NT5DC1: variants seen among roughly 807,000 people sequenced by gnomAD.
The protein encoded by NT5DC1 is 5'-nucleotidase domain containing 1.
In NT5DC1, 42 loss-of-function variants were observed where a neutral mutation model predicts 59.4. The ratio of observed to expected loss-of-function variants is 0.71; its 90% CI spans 0.55 to 0.92. NT5DC1 has a LOEUF of 0.92. NT5DC1 is among the 40% of genes least tolerant of loss of function. The pLI is 0.00. For synonymous variants in NT5DC1, 172 were observed against 188.1 expected (o/e 0.91, Z 0.70); for missense variants, 501 against 537.1 (o/e 0.93, Z 0.66).
intron 3 of NT5DC1, among the ~76,000 whole-genome samples, chr6:116,109,460 A>G (rs942089896): frequency 6.6e-6 from 1 of 152,186 alleles, no homozygotes; most frequent in Non-Finnish European, 1.5e-5. Flanking sequence ...GCTATCTTCA[A>G]CCACAGTTAA....
At chr6:116,215,492 G>A (rs1251187017) in intron 6 of NT5DC1, among the ~76,000 whole-genome samples, 1 of 151,978 alleles carries the variant, frequency 6.6e-6, no homozygotes, top group Non-Finnish European at 1.5e-5. Context: ...TCACCTTGTC[G>A]ACTTTACAGC....
Position 116,238,220 on chromosome 6 carries a change from A to G in NT5DC1, c.955A>G (p.Ile319Val), listed in dbSNP as rs1782158882. The G allele has an allele frequency of 6.2e-7, 1 of 1,612,096 alleles. No homozygotes were observed. Among genetic ancestry groups the G allele is most frequent in the Non-Finnish European group, 8.5e-7 (1 of 1,178,976 alleles). The change falls in exon 10 of 12, where the codon ATT becomes GTT. Residue 319 changes from isoleucine to valine, a missense_variant. Coordinates refer to ENST00000319550, the MANE Select transcript of NT5DC1 (RefSeq NM_152729.3). The part of the protein sequence containing the change: ...VYFGDSMHSD[I>V]FPARHYSNWE... Reference sequence around the variant, plus strand: ...TTTTGGTGACAGCATGCATTCAGATATTTTCCCAGCTCGTCACTATAGTAA... The same window carrying G: ...TTTTGGTGACAGCATGCATTCAGATGTTTTCCCAGCTCGTCACTATAGTAA...
At chr6:116,174,357 G>C (rs1780685749) in intron 6 of NT5DC1, among the ~76,000 whole-genome samples, 1 of 152,134 alleles carries the variant, frequency 6.6e-6, no homozygotes, top group Non-Finnish European at 1.5e-5. Context: ...AAATATCATA[G>C]ACATACCATT....
rs143289113 is a variant in NT5DC1, at chr6:116,160,068, A to G, written c.529+42123A>G. On this transcript the variant is annotated intron_variant, in intron 6 of 11. Transcript: ENST00000319550. The stretch of plus-strand genomic sequence containing the variant: ...ACTTTGCTATTGTGAATAGTGCTCA[A>G]TAAACATATAAGTACAGGTATCTTT... Among the ~76,000 whole-genome samples the G allele has an allele frequency of 2.1e-4, 32 of 152,326 alleles. No individual in the cohort carries two copies. In the East Asian group the frequency reaches 6.0e-3, roughly 28 times the overall value.
chr6:116,238,446 G>A, intron 10 of NT5DC1, 98 bp downstream of exon 10: 1 of 558,630 alleles, frequency 1.8e-6, no homozygotes, highest in Admixed American at 4.3e-5. Context: ...GTCCTGGTCA[G>A]GCTGAATACC....
chr6:116,149,873 A>G (rs1400595730), intron 6 of NT5DC1, among the ~76,000 whole-genome samples: 7 of 152,226 alleles, frequency 4.6e-5, no homozygotes, highest in Non-Finnish European at 1.0e-4. Flanking sequence ...TTTGCACAAC[A>G]AACCAGCATT....
chr6:116,245,567 G>C lies in NT5DC1; in HGVS notation c.*1543G>C, dbSNP rs904860856. On this transcript the variant is annotated 3_prime_UTR_variant, in exon 12 of 12. Transcript: ENST00000319550. ...GTGATATACTTGAAATTTATGTCCA[G>C]AATGTCACTGGAATATTACAATGAG... 1 of 152,362 alleles carries C rather than the reference G, an allele frequency of 6.6e-6. No individual in the cohort carries two copies. The highest frequency in any genetic ancestry group is 1.5e-5 in the Non-Finnish European group (1 of 68,000). The allele number at this position is 152,362 out of a possible 1,614,324, so 9.4% of individuals were successfully genotyped here.
chr6:116,193,771 AT>A, intron 6 of NT5DC1, among the ~76,000 whole-genome samples: 1 of 35,474 alleles, frequency 2.8e-5, no homozygotes, highest in Admixed American at 2.9e-4. Context: ...ACTGTTAAAA[AT>A]AAAAAAAGAG....
At chr6:116,101,068 G>C (rs936192280) in intron 1 of NT5DC1, 45 bp downstream of exon 1, 2 of 1,397,740 alleles carry the variant, frequency 1.4e-6, no homozygotes, top group South Asian at 1.2e-5. Flanking sequence ...AACCTCCATG[G>C]CGGCTGGGGC....
intron 6 of NT5DC1, chr6:116,121,519 T>G (rs746116127): frequency 6.2e-7 from 1 of 1,614,136 alleles, no homozygotes; most frequent in Admixed American, 1.7e-5. Flanking sequence ...CCCTCTCACC[T>G]GGACGACCAG....
intron 6 of NT5DC1, 137 bp downstream of exon 6, chr6:116,118,082 G>C: frequency 1.5e-6 from 1 of 679,726 alleles, no homozygotes; most frequent in Admixed American, 2.4e-5. Flanking sequence ...TATAAAGTTG[G>C]TTCTGACTAC....
intron 8 of NT5DC1, among the ~76,000 whole-genome samples, chr6:116,233,284 G>A (rs1482319522): frequency 2.0e-5 from 3 of 152,138 alleles, no homozygotes; most frequent in Admixed American, 1.3e-4. Flanking sequence ...TGAATTTGAG[G>A]GACATTGTGA....
chr6:116,106,147 G>GC, intron 1 of NT5DC1, 97 bp from the exon 2 acceptor site: 2 of 758,712 alleles, frequency 2.6e-6, no homozygotes, highest in Non-Finnish European at 4.8e-6. Context: ...CCTCCTACCT[G>GC]CCCCCATCAG....
intron 8 of NT5DC1, among the ~76,000 whole-genome samples, chr6:116,235,542 T>C (rs1490172954): frequency 6.6e-6 from 1 of 152,254 alleles, no homozygotes; most frequent in African/African-American, 2.4e-5. Flanking sequence ...TTTTAGAATT[T>C]TGTTTAAAAT....
intron 6 of NT5DC1, among the ~76,000 whole-genome samples, chr6:116,201,166 C>A (rs1024540761): frequency 6.6e-6 from 1 of 151,856 alleles, no homozygotes; most frequent in African/African-American, 2.4e-5. Flanking sequence ...AATGAGTCAC[C>A]ACATGTAAAA....
At chr6:116,238,829 TG>T in intron 10 of NT5DC1, 125 bp from the exon 11 acceptor site, 1 of 602,124 alleles carries the variant, frequency 1.7e-6, no homozygotes, top group Non-Finnish European at 2.9e-6. Context: ...AAATTTAATG[TG>T]GGCCCAAAGC....
intron 4 of NT5DC1, among the ~76,000 whole-genome samples, chr6:116,112,987 G>C (rs1213617875): frequency 6.6e-6 from 1 of 152,204 alleles, no homozygotes; most frequent in Non-Finnish European, 1.5e-5. Context: ...AGAGATGTTT[G>C]ATGACAACTT....
At chr6:116,159,504 T>A (rs1041898349) in intron 6 of NT5DC1, among the ~76,000 whole-genome samples, 1 of 152,224 alleles carries the variant, frequency 6.6e-6, no homozygotes, top group Non-Finnish European at 1.5e-5. Flanking sequence ...TTCACCATTA[T>A]ATCTGTCGGG....
chr6:116,239,588 CT>C (rs1212977412), intron 11 of NT5DC1, among the ~76,000 whole-genome samples: 1 of 152,158 alleles, frequency 6.6e-6, no homozygotes, highest in Non-Finnish European at 1.5e-5. Context: ...AAGGGCTTTA[CT>C]TTAGAATAAG....
Sources: gnomAD v4.1 joint callset for allele counts (sites outside exome capture counted in the v4.1 genomes callset) on GRCh38, gnomAD v4.1.1 for gene constraint, MANE v1.5 for transcripts, NCBI Gene and HGNC (gene_info 2026-07-23, HGNC 2026-07-21) for gene names.